Variants in ASXL3 observed in about 807,000 individuals in gnomAD.
ASXL3 encodes ASXL transcriptional regulator 3.
In ASXL3, 34 loss-of-function variants were observed where a neutral mutation model predicts 170.6. That is an observed-to-expected ratio of 0.20 (90% CI 0.15 to 0.27). ASXL3 has a LOEUF of 0.27. Ranked by LOEUF, ASXL3 falls within the 10% of genes least tolerant of loss-of-function variation. ASXL3 has a pLI of 1.00. For missense variants in ASXL3, 2,592 were observed against 2,695.3 expected, an observed-to-expected ratio of 0.96 and a Z score of 0.85; for synonymous variants, 1,002 against 989.1, an observed-to-expected ratio of 1.01 and a Z score of -0.24.
intron 8 of ASXL3, among the ~76,000 whole-genome samples, chr18:33,697,319 A>T (rs1156815770): frequency 2.0e-5 from 3 of 152,124 alleles, no homozygotes; most frequent in Non-Finnish European, 4.4e-5. Flanking sequence ...ACTGTGTTGC[A>T]TGAGATTGTC....
At chr18:33,737,864 T>C (rs2067574163) in intron 10 of ASXL3, among the ~76,000 whole-genome samples, 1 of 152,156 alleles carries the variant, frequency 6.6e-6, no homozygotes, top group Admixed American at 6.5e-5. Context: ...CATCTTAATT[T>C]CTTGGTTTTC....
At chr18:33,694,698 C>G (rs760191340) in intron 8 of ASXL3, among the ~76,000 whole-genome samples, 2 of 151,986 alleles carry the variant, frequency 1.3e-5, no homozygotes, top group Non-Finnish European at 2.9e-5. Flanking sequence ...TGTCTATGGT[C>G]TGTTAAATAA....
intron 1 of ASXL3, among the ~76,000 whole-genome samples, chr18:33,588,774 A>G (rs2065054356): frequency 6.6e-6 from 1 of 152,110 alleles, no homozygotes; most frequent in Non-Finnish European, 1.5e-5. Flanking sequence ...GCATTTTCAT[A>G]GCAACAATGA....
At chr18:33,714,674 C>CTTGAG (rs2067134918) in intron 8 of ASXL3, among the ~76,000 whole-genome samples, 1 of 152,082 alleles carries the variant, frequency 6.6e-6, no homozygotes, top group Admixed American at 6.6e-5. Flanking sequence ...CCACTCCTTT[C>CTTGAG]TTGAGTTGAT....
At chr18:33,619,493 G>T (rs1200605666) in intron 2 of ASXL3, among the ~76,000 whole-genome samples, 2 of 151,554 alleles carry the variant, frequency 1.3e-5, no homozygotes, top group Non-Finnish European at 2.9e-5. Flanking sequence ...TTTGGAGGAT[G>T]CAAAACCTCA....
intron 11 of ASXL3, among the ~76,000 whole-genome samples, chr18:33,742,052 G>T (rs1213926731): frequency 6.6e-6 from 1 of 152,202 alleles, no homozygotes; most frequent in Non-Finnish European, 1.5e-5. Context: ...TCAGCAGATT[G>T]TGGATTACCA....
At chr18:33,700,432 G>A (rs2145324468) in intron 8 of ASXL3, among the ~76,000 whole-genome samples, 1 of 151,434 alleles carries the variant, frequency 6.6e-6, no homozygotes, top group Non-Finnish European at 1.5e-5. Context: ...GGGCATTCCT[G>A]CCTGATCACC....
chr18:33,721,742 A>T (rs1234002966), intron 8 of ASXL3, among the ~76,000 whole-genome samples: 1 of 152,104 alleles, frequency 6.6e-6, no homozygotes, highest in African/African-American at 2.4e-5. Flanking sequence ...GATGAAAGCT[A>T]TACAGGCTTA....
intron 2 of ASXL3, among the ~76,000 whole-genome samples, chr18:33,631,363 A>C (rs2065674097): frequency 1.3e-5 from 2 of 152,068 alleles, no homozygotes; most frequent in Non-Finnish European, 2.9e-5. Flanking sequence ...TTGTTTTTTT[A>C]GTTCACCTAA....
At chr18:33,732,908 T>A (rs1395021453) in intron 9 of ASXL3, among the ~76,000 whole-genome samples, 1 of 152,012 alleles carries the variant, frequency 6.6e-6, no homozygotes, top group East Asian at 1.9e-4. Context: ...AATTTTCTGT[T>A]CTCAGCCCTT....
chr18:33,739,522 A>G lies in ASXL3; in HGVS notation c.2118A>G (p.Pro706=). The stretch of plus-strand genomic sequence containing the variant: ...TACCATTAACATCTGAAGCATCACC[A>G]GTATCCAACTTACCTTTAACATCAG... The part of the protein sequence containing the change: ...SNLPLTSEAS[P]VSNLPLTSET... Residue 706 remains proline (P), a synonymous_variant, in exon 11 of 12, where the codon CCA becomes CCG. Coordinates refer to ENST00000269197, the MANE Select transcript of ASXL3 (RefSeq NM_030632.3). The G allele has an allele frequency of 6.2e-7, 1 of 1,613,948 alleles. No individual in the cohort carries two copies. The highest frequency in any genetic ancestry group is 2.2e-5 in the East Asian group (1 of 44,890).
chr18:33,588,788 C>T (rs2065054489), intron 1 of ASXL3, among the ~76,000 whole-genome samples: 1 of 152,044 alleles, frequency 6.6e-6, no homozygotes, highest in Non-Finnish European at 1.5e-5. Flanking sequence ...ACAATGAAGT[C>T]CACAACATTA....
chr18:33,694,638 T>G (rs2066742478), intron 8 of ASXL3, among the ~76,000 whole-genome samples: 1 of 152,104 alleles, frequency 6.6e-6, no homozygotes, highest in Admixed American at 6.6e-5. Context: ...ATTGCAGCAT[T>G]TTAGTCAATT....
chr18:33,585,151 A>G (rs1372157974), intron 1 of ASXL3, among the ~76,000 whole-genome samples: 1 of 151,554 alleles, frequency 6.6e-6, no homozygotes, highest in Non-Finnish European at 1.5e-5. Context: ...TCTGCTTGAA[A>G]TTATTATCTT....
intron 4 of ASXL3, among the ~76,000 whole-genome samples, chr18:33,655,363 G>A (rs2066066817): frequency 6.6e-6 from 1 of 151,940 alleles, no homozygotes; most frequent in South Asian, 2.1e-4. Context: ...AGAAGATATT[G>A]TTCTAAACGT....
rs150154447 is a variant in ASXL3, at chr18:33,662,959, T to C, written c.477+1222T>C. ...ATAGGAAAGAAACTTAACATGGTTA[T>C]GCTGAATTATGTTACCTTCCTATTT... On this transcript the variant is annotated intron_variant, in intron 5 of 11. Coordinates refer to ENST00000269197, the MANE Select transcript of ASXL3 (RefSeq NM_030632.3). Among the ~76,000 whole-genome samples the C allele has an allele frequency of 1.7e-3, 254 of 152,310 alleles. 1 individual carries two copies. The highest frequency in any genetic ancestry group is 5.3e-3 in the African/African-American group (221 of 41,584).
chr18:33,738,362 A>G (rs2067584122), intron 10 of ASXL3, 125 bp from the exon 11 acceptor site: 2 of 986,168 alleles, frequency 2.0e-6, no homozygotes, highest in Non-Finnish European at 2.9e-6. Context: ...TAAATTAAGC[A>G]TGTTAATGAT....
At chr18:33,591,384 A>G (rs1415560239) in intron 1 of ASXL3, among the ~76,000 whole-genome samples, 2 of 152,202 alleles carry the variant, frequency 1.3e-5, no homozygotes, top group African/African-American at 2.4e-5. Context: ...GAGAATACAC[A>G]TTTAGTCTGG....
At chr18:33,608,940 C>A in intron 2 of ASXL3, 1 of 737,032 alleles carries the variant, frequency 1.4e-6, no homozygotes, top group Non-Finnish European at 1.7e-6. Context: ...TACAGGACAC[C>A]TATGCTCAAA....
Sources: allele counts gnomAD v4.1 joint callset (sites outside exome capture counted in the v4.1 genomes callset), GRCh38; gene constraint gnomAD v4.1.1; transcripts MANE v1.5; gene names NCBI Gene and HGNC (gene_info 2026-07-23, HGNC 2026-07-21).